The following TNNI3K variants were observed in gnomAD, a reference collection of about 807,000 sequenced individuals.
The protein encoded by TNNI3K is serine/threonine-protein kinase TNNI3K.
In TNNI3K, 140 loss-of-function variants were observed where a neutral mutation model predicts 114.5. The ratio of observed to expected loss-of-function variants is 1.22; its 90% confidence interval spans 1.07 to 1.41. The LOEUF is 1.41. Among genes scored for constraint, TNNI3K ranks in the 40% most tolerant of loss-of-function variants. The probability of loss-of-function intolerance (pLI) is 0.00; values close to 1 mark genes in which losing one functional copy is unlikely to be tolerated. For synonymous variants in TNNI3K, 347 were observed against 347.5 expected (o/e 1.00, Z 0.02); for missense variants, 1,125 against 1,007.6 (o/e 1.12, Z -1.58).
intron 4 of TNNI3K, among the ~76,000 whole-genome samples, chr1:74,266,557 C>T (rs1400632182): frequency 6.6e-6 from 1 of 151,896 alleles, no homozygotes; most frequent in African/African-American, 2.4e-5. Flanking sequence ...TTTAAAACCA[C>T]CAGAAGGTAT....
intron 17 of TNNI3K, among the ~76,000 whole-genome samples, chr1:74,395,949 G>A (rs1451423514): frequency 2.0e-5 from 3 of 152,182 alleles, no homozygotes; most frequent in Non-Finnish European, 2.9e-5. Flanking sequence ...GCTCAGATGA[G>A]GATTGAGTGT....
At chr1:74,394,671 C>T (rs949411503) in intron 17 of TNNI3K, among the ~76,000 whole-genome samples, 1 of 152,184 alleles carries the variant, frequency 6.6e-6, no homozygotes, top group African/African-American at 2.4e-5. Flanking sequence ...GGTCGTAAGT[C>T]AAATACTTGA....
At chr1:74,412,024 A>G (rs1321008272) in intron 17 of TNNI3K, among the ~76,000 whole-genome samples, 1 of 152,210 alleles carries the variant, frequency 6.6e-6, no homozygotes, top group Non-Finnish European at 1.5e-5. Context: ...TCAAAGCAAT[A>G]AAGAATCCTT....
chr1:74,500,252 T>G (rs1386500988), intron 23 of TNNI3K, among the ~76,000 whole-genome samples: 1 of 152,120 alleles, frequency 6.6e-6, no homozygotes, highest in Admixed American at 6.6e-5. Context: ...TTATTTAGGC[T>G]TACCTCATGT....
chr1:74,435,983 A>C, intron 17 of TNNI3K, 97 bp from the exon 18 acceptor site: 1 of 1,474,118 alleles, frequency 6.8e-7, no homozygotes, highest in South Asian at 1.4e-5. Flanking sequence ...TAGGGCAAAC[A>C]AATGATGTCT....
chr1:74,309,396 A>G (rs1388567980), intron 5 of TNNI3K, among the ~76,000 whole-genome samples: 1 of 147,862 alleles, frequency 6.8e-6, no homozygotes, highest in Non-Finnish European at 1.5e-5. Flanking sequence ...AGATAATATC[A>G]ATCTTACTGA....
At chr1:74,441,965 A>G (rs1367575441) in intron 20 of TNNI3K, among the ~76,000 whole-genome samples, 1 of 152,120 alleles carries the variant, frequency 6.6e-6, no homozygotes, top group African/African-American at 2.4e-5. Context: ...TTTAATGTCA[A>G]TGAAATCCAT....
intron 23 of TNNI3K, among the ~76,000 whole-genome samples, chr1:74,521,958 C>A (rs1444092694): frequency 6.6e-6 from 1 of 152,114 alleles, no homozygotes; most frequent in African/African-American, 2.4e-5. Flanking sequence ...TGTTGTTAAT[C>A]TTCTAAACAG....
At chr1:74,457,544 C>T (rs1475551187) in intron 20 of TNNI3K, among the ~76,000 whole-genome samples, 3 of 152,132 alleles carry the variant, frequency 2.0e-5, no homozygotes, top group Non-Finnish European at 4.4e-5. Flanking sequence ...CAGCCCTGCC[C>T]ATTAAAAACA....
At chr1:74,506,226 T>C (rs1570715509) in intron 23 of TNNI3K, among the ~76,000 whole-genome samples, 1 of 152,334 alleles carries the variant, frequency 6.6e-6, no homozygotes, top group East Asian at 1.9e-4. Context: ...CATAGACACT[T>C]AGTATGTTCT....
intron 17 of TNNI3K, among the ~76,000 whole-genome samples, chr1:74,431,120 T>C (rs1472752271): frequency 6.6e-6 from 1 of 152,156 alleles, no homozygotes; most frequent in East Asian, 1.9e-4. Flanking sequence ...ATTTGCCAAA[T>C]TCCATCTATC....
At chr1:74,541,375 C>T (rs1381295559) in intron 24 of TNNI3K, among the ~76,000 whole-genome samples, 1 of 152,106 alleles carries the variant, frequency 6.6e-6, no homozygotes, top group Non-Finnish European at 1.5e-5. Flanking sequence ...CTTCTGACTC[C>T]CAATACATAT....
intron 21 of TNNI3K, chr1:74,480,823 A>G (rs929410745): frequency 1.4e-6 from 1 of 717,612 alleles, no homozygotes; most frequent in Non-Finnish European, 2.6e-6. Context: ...TCGTAAGCCC[A>G]TGCAGGGCAT....
Position 74,472,823 on chromosome 1 carries a change from A to T in TNNI3K, c.2121+9273A>T, listed in dbSNP as rs1056962849. On this transcript the variant is annotated intron_variant, in intron 21 of 24. Coordinates refer to ENST00000326637, the MANE Select transcript of TNNI3K (RefSeq NM_015978.3). ...GCAGTCTTTACCTGGGACTTTTAAAATGGTACAGATTAATATAATATTTAA... is the reference window on the plus strand; with the variant it reads ...GCAGTCTTTACCTGGGACTTTTAAATTGGTACAGATTAATATAATATTTAA... Among the ~76,000 whole-genome samples, 8 of 152,154 alleles carry T rather than the reference A, an allele frequency of 5.3e-5. No homozygotes were observed. The South Asian group carries it at 8.3e-4, about 16-fold the overall frequency.
intron 17 of TNNI3K, among the ~76,000 whole-genome samples, chr1:74,413,749 GTGTTATTTCA>G (rs1664995079): frequency 6.6e-6 from 1 of 152,072 alleles, no homozygotes; most frequent in Non-Finnish European, 1.5e-5. Context: ...CCAAATTATT[GTGTTATTTCA>G]TGTTATTTCT....
At chr1:74,464,503 A>C in intron 21 of TNNI3K, 1 of 1,397,452 alleles carries the variant, frequency 7.2e-7, no homozygotes, top group South Asian at 1.7e-5. Context: ...CTTCCTAGGC[A>C]CTTTATAGCT....
intron 17 of TNNI3K, among the ~76,000 whole-genome samples, chr1:74,378,332 A>G (rs1486037413): frequency 6.6e-6 from 1 of 151,806 alleles, no homozygotes; most frequent in Non-Finnish European, 1.5e-5. Context: ...AGGGTAGTTT[A>G]TCTGCTGTAA....
chr1:74,260,887 A>C (rs981608852), intron 4 of TNNI3K, among the ~76,000 whole-genome samples: 1 of 152,118 alleles, frequency 6.6e-6, no homozygotes. Flanking sequence ...ACATTAACAA[A>C]AAAACCCATC....
intron 21 of TNNI3K, 105 bp from the exon 22 acceptor site, chr1:74,489,084 T>C: frequency 1.2e-6 from 1 of 868,812 alleles, no homozygotes; most frequent in Non-Finnish European, 1.8e-6. Context: ...ATATACTTTA[T>C]TGTTAATCTC....
Sources: allele counts gnomAD v4.1 joint callset (sites outside exome capture counted in the v4.1 genomes callset), GRCh38; gene constraint gnomAD v4.1.1; transcripts MANE v1.5; gene names NCBI Gene and HGNC (gene_info 2026-07-23, HGNC 2026-07-21).